TNPO1: variants seen among roughly 807,000 people sequenced by gnomAD.
TNPO1 encodes transportin-1.
TNPO1 carries 8 observed loss-of-function variants against 119.5 expected under a neutral mutation model. The ratio of observed to expected loss-of-function variants is 0.07; its 90% CI spans 0.04 to 0.12. The LOEUF is 0.12. Ranked by LOEUF, TNPO1 falls within the 10% of genes least tolerant of loss-of-function variation. TNPO1 has a pLI of 1.00. For synonymous variants in TNPO1, 362 were observed against 363.0 expected, an observed-to-expected ratio of 1.00 and a Z score of 0.03; for missense variants, 576 against 1,089.8, an observed-to-expected ratio of 0.53 and a Z score of 6.64.
chr5:72,891,566 G>T (rs1749061257), intron 14 of TNPO1, among the ~76,000 whole-genome samples: 1 of 151,930 alleles, frequency 6.6e-6, no homozygotes, highest in Non-Finnish European at 1.5e-5. Context: ...TTTCAACAAG[G>T]ATAAAAGATC....
intron 1 of TNPO1, among the ~76,000 whole-genome samples, chr5:72,840,139 T>C (rs2112214781): frequency 6.6e-6 from 1 of 152,206 alleles, no homozygotes; most frequent in Non-Finnish European, 1.5e-5. Context: ...GCTCATAGTC[T>C]GCCCACTGTT....
intron 6 of TNPO1, among the ~76,000 whole-genome samples, chr5:72,869,557 AT>A (rs1747221237): frequency 1.3e-5 from 2 of 152,212 alleles, no homozygotes; most frequent in Non-Finnish European, 2.9e-5. Context: ...AAAAAAATAA[AT>A]AAAGACAGTT....
At position 72,865,666 on chromosome 5, in the gene TNPO1, G is replaced by A. The variant is rs1008592158; in HGVS notation, c.533G>A (p.Arg178His). The A allele has an allele frequency of 9.9e-6, 16 of 1,613,288 alleles. No individual in the cohort carries two copies. Among genetic ancestry groups the A allele is most frequent in the Non-Finnish European group, 1.2e-5 (14 of 1,179,578 alleles). Reference protein sequence around the residue: ...AEILDSDVLDRPLNIMIPKFL... With the variant: ...AEILDSDVLDHPLNIMIPKFL... ...ATTTTAGACAGTGATGTTTTAGATC[G>A]TCCTCTCAACATCATGATTCCCAAA... Residue 178 changes from arginine (R) to histidine (H), a missense_variant, in exon 6 of 25, where the codon CGT becomes CAT. Arg to His is a conservative substitution (Grantham distance 29). Around this residue, in one of 6 missense-constraint regions of TNPO1, gnomAD observed 310 missense variants for 583.0 expected, o/e 0.53. Transcript: ENST00000337273.
intron 4 of TNPO1, among the ~76,000 whole-genome samples, chr5:72,856,758 G>A (rs891470901): frequency 1.3e-5 from 2 of 152,090 alleles, no homozygotes; most frequent in Non-Finnish European, 2.9e-5. Flanking sequence ...ACAACTTTCT[G>A]TTAGCTTATG....
intron 18 of TNPO1, among the ~76,000 whole-genome samples, chr5:72,894,309 C>G (rs1313784349): frequency 1.3e-5 from 2 of 152,058 alleles, no homozygotes; most frequent in Non-Finnish European, 2.9e-5. Context: ...TGTTCTTAAA[C>G]CTATGGGTTA....
Position 72,910,858 on chromosome 5 carries a change from G to A in TNPO1, c.*2185G>A, listed in dbSNP as rs1750521051. On this transcript the variant is annotated 3_prime_UTR_variant, in exon 25 of 25. Transcript: ENST00000337273. ...GTTCTTTCACCTTTCCTCTACTTTG[G>A]CTTTGCAAATTTCAGTCTGTAGAGC... is the stretch of plus-strand genomic sequence containing the variant. 1 of 151,636 alleles carries A rather than the reference G, an allele frequency of 6.6e-6. No homozygotes were observed. The highest frequency in any genetic ancestry group is 1.5e-5 in the Non-Finnish European group (1 of 67,862). The allele number at this position is 151,636 out of a possible 1,614,324, so 9.4% of individuals were successfully genotyped here.
chr5:72,846,482 A>G (rs1745136449), intron 1 of TNPO1, among the ~76,000 whole-genome samples: 1 of 152,242 alleles, frequency 6.6e-6, no homozygotes, highest in Admixed American at 6.5e-5. Flanking sequence ...AGAAAGATTC[A>G]CATAAAACTG....
rs932905208 is a variant in TNPO1 at position 72,865,544 on chromosome 5, C to G, written c.463-52C>G. On this transcript the variant is annotated intron_variant, in intron 5 of 24. Coordinates refer to ENST00000337273, the MANE Select transcript of TNPO1 (RefSeq NM_002270.4). ...TAATCAGCATTCTTCAGTTTGTTTT[C>G]AAATGGCTTCATTTTTAACAAATTC... is the stretch of plus-strand genomic sequence containing the variant. 12 of 1,595,216 alleles carry G rather than the reference C, an allele frequency of 7.5e-6. No individual in the cohort carries two copies. The African/African-American group carries it at 1.6e-4, about 22-fold the overall frequency.
chr5:72,848,386 A>C lies in TNPO1; in HGVS notation c.17A>C (p.Gln6Pro), dbSNP rs1004062795. MVWDR[Q>P]TKMEYEWKPD... ...TCCTGTGTCTGGCTTTATTTGCAGCAAACCAAGATGGAGTATGAGTGGAAA... is the reference window on the plus strand; with the variant it reads ...TCCTGTGTCTGGCTTTATTTGCAGCCAACCAAGATGGAGTATGAGTGGAAA... The change falls in exon 2 of 25, where the codon CAA becomes CCA. Residue 6 changes from glutamine to proline, a missense_variant and splice_region_variant. Gln to Pro is a moderately conservative substitution (Grantham distance 76). Transcript: ENST00000337273. The C allele has an allele frequency of 1.2e-6, 2 of 1,610,560 alleles. No individual in the cohort carries two copies. The highest frequency in any genetic ancestry group is 1.7e-5 in the Admixed American group (1 of 59,652).
intron 1 of TNPO1, among the ~76,000 whole-genome samples, chr5:72,830,297 G>A (rs1321843268): frequency 1.3e-5 from 2 of 152,096 alleles, no homozygotes; most frequent in African/African-American, 2.4e-5. Flanking sequence ...TTCCCGTAGA[G>A]TTTAAATTGC....
At chr5:72,902,764 A>G (rs1749887070) in intron 22 of TNPO1, among the ~76,000 whole-genome samples, 1 of 152,178 alleles carries the variant, frequency 6.6e-6, no homozygotes, top group Non-Finnish European at 1.5e-5. Context: ...TATGGTTAAA[A>G]TAAAATGTCA....
At chr5:72,869,744 G>C (rs998247081) in intron 6 of TNPO1, among the ~76,000 whole-genome samples, 9 of 152,078 alleles carry the variant, frequency 5.9e-5, no homozygotes, top group Non-Finnish European at 4.4e-5. Flanking sequence ...AATCTATAAG[G>C]AAGAGATCAT....
chr5:72,850,685 T>C (rs1003423759), intron 2 of TNPO1, among the ~76,000 whole-genome samples: 1 of 152,180 alleles, frequency 6.6e-6, no homozygotes, highest in Admixed American at 6.5e-5. Context: ...AGGGGAAGAA[T>C]TGTACAGCTG....
chr5:72,829,514 G>A (rs1744351573), intron 1 of TNPO1, among the ~76,000 whole-genome samples: 1 of 152,236 alleles, frequency 6.6e-6, no homozygotes, highest in Non-Finnish European at 1.5e-5. Flanking sequence ...AACTACCGTT[G>A]AACAATCGAG....
chr5:72,817,093 A>T, intron 1 of TNPO1: 1 of 353,216 alleles, frequency 2.8e-6, no homozygotes, highest in Non-Finnish European at 5.1e-6. Flanking sequence ...GTGGCGTTTG[A>T]GGGCCCTTGA....
intron 1 of TNPO1, among the ~76,000 whole-genome samples, chr5:72,827,711 T>C (rs949275402): frequency 6.6e-6 from 1 of 152,104 alleles, no homozygotes; most frequent in Admixed American, 6.5e-5. Flanking sequence ...TCAAGAGTTT[T>C]GTTTCAAGCC....
intron 10 of TNPO1, among the ~76,000 whole-genome samples, chr5:72,882,797 G>C (rs946866888): frequency 6.6e-6 from 1 of 152,112 alleles, no homozygotes; most frequent in African/African-American, 2.4e-5. Context: ...CTCTGAATTT[G>C]ATTCAGGTAA....
At chr5:72,885,175 A>G (rs921042013) in intron 11 of TNPO1, among the ~76,000 whole-genome samples, 1 of 152,234 alleles carries the variant, frequency 6.6e-6, no homozygotes, top group South Asian at 2.1e-4. Context: ...GTCATATTTA[A>G]CATTTCCAAC....
intron 14 of TNPO1, 49 bp downstream of exon 14, chr5:72,890,006 A>G (rs1561349735): frequency 1.3e-6 from 2 of 1,573,290 alleles, no homozygotes; most frequent in Non-Finnish European, 8.7e-7. Flanking sequence ...TAGCATAGTT[A>G]CAATTAATAG....
Sources: allele counts gnomAD v4.1 joint callset (sites outside exome capture counted in the v4.1 genomes callset), GRCh38; gene constraint gnomAD v4.1.1; regional missense constraint gnomAD v4.1.1; transcripts MANE v1.5; gene names NCBI Gene and HGNC (gene_info 2026-07-23, HGNC 2026-07-21).